Variants in FAM13A observed in about 807,000 individuals in gnomAD.
FAM13A encodes the protein protein FAM13A.
In FAM13A, 76 loss-of-function variants were observed where a neutral mutation model predicts 129.6. The observed-to-expected ratio is 0.59, with a 90% CI of 0.49 to 0.71. FAM13A has a LOEUF of 0.71. FAM13A is among the 30% of genes least tolerant of loss of function. FAM13A has a pLI of 0.00. For missense variants in FAM13A, 1,108 were observed against 1,249.3 expected (o/e 0.89, Z 1.70); for synonymous variants, 443 against 449.9 (o/e 0.98, Z 0.20).
At chr4:88,797,810 A>G (rs1011102709) in intron 8 of FAM13A, among the ~76,000 whole-genome samples, 3 of 152,248 alleles carry the variant, frequency 2.0e-5, no homozygotes, top group South Asian at 2.1e-4. Context: ...CTACTGTTTC[A>G]AAAAGGTTTA....
In FAM13A at chr4:88,909,995, T is replaced by C. The variant is rs149532697; in HGVS notation, c.760-3533A>G. Among the ~76,000 whole-genome samples, 6 of 152,348 alleles carry C rather than the reference T, an allele frequency of 3.9e-5. 1 individual carries two copies. Among genetic ancestry groups the C allele is most frequent in the Admixed American group, 3.3e-4 (5 of 15,298 alleles). ...AGACCTCGGGTTTGTGTTCAAACTC[T>C]TCCTTTAGAAGAACTTTTTAGAAAA... is the stretch of plus-strand genomic sequence containing the variant. On this transcript the variant is annotated intron_variant, in intron 5 of 23. Transcript: ENST00000264344.
chr4:89,001,130 T>C (rs998988281), intron 3 of FAM13A, among the ~76,000 whole-genome samples: 13 of 152,278 alleles, frequency 8.5e-5, no homozygotes, highest in African/African-American at 3.1e-4. Context: ...GAAAAGATCA[T>C]CTAGTTATAT....
chr4:88,955,685 G>A (rs1757641918), intron 4 of FAM13A, among the ~76,000 whole-genome samples: 1 of 152,158 alleles, frequency 6.6e-6, no homozygotes, highest in Non-Finnish European at 1.5e-5. Flanking sequence ...CCAGGCTGAG[G>A]TGGTCTCAGA....
chr4:88,828,458 TA>T (rs1005879719), intron 7 of FAM13A, among the ~76,000 whole-genome samples: 1 of 152,220 alleles, frequency 6.6e-6, no homozygotes, highest in African/African-American at 2.4e-5. Context: ...CTTGACCTTT[TA>T]AAGTCATACA....
At chr4:88,867,923 T>G (rs536670944) in intron 6 of FAM13A, among the ~76,000 whole-genome samples, 5 of 152,226 alleles carry the variant, frequency 3.3e-5, no homozygotes, top group Non-Finnish European at 7.3e-5. Flanking sequence ...GGAAATGTTA[T>G]TAAAAACTAT....
At chr4:88,877,370 T>G (rs1213867837) in intron 6 of FAM13A, among the ~76,000 whole-genome samples, 1 of 152,194 alleles carries the variant, frequency 6.6e-6, no homozygotes, top group East Asian at 1.9e-4. Context: ...CAAACAGTAT[T>G]TATCATACTG....
chr4:88,862,724 CCTT>C (rs1739692862), intron 6 of FAM13A, among the ~76,000 whole-genome samples: 1 of 150,220 alleles, frequency 6.7e-6, no homozygotes, highest in South Asian at 2.1e-4. Flanking sequence ...TCATATCCCT[CCTT>C]CTTCTGTTCT....
At chr4:88,873,624 G>A (rs1037053938) in intron 6 of FAM13A, among the ~76,000 whole-genome samples, 3 of 152,152 alleles carry the variant, frequency 2.0e-5, no homozygotes, top group African/African-American at 7.2e-5. Flanking sequence ...ACCAATAACA[G>A]CCTCTGAAAT....
intron 7 of FAM13A, among the ~76,000 whole-genome samples, chr4:88,814,484 C>A (rs558061695): frequency 1.3e-5 from 2 of 152,052 alleles, no homozygotes; most frequent in African/African-American, 4.8e-5. Flanking sequence ...GCACCAGGGG[C>A]GCAGCAGTGA....
chr4:88,989,073 T>C (rs1415443106), intron 4 of FAM13A, among the ~76,000 whole-genome samples: 2 of 150,778 alleles, frequency 1.3e-5, no homozygotes, highest in East Asian at 4.0e-4. Flanking sequence ...CCGGGCATGA[T>C]GGTGGGCGCC....
chr4:88,966,330 T>G (rs1031766691), intron 4 of FAM13A, among the ~76,000 whole-genome samples: 1 of 152,206 alleles, frequency 6.6e-6, no homozygotes, highest in Non-Finnish European at 1.5e-5. Context: ...TCATATTCAC[T>G]CATTCCTTCT....
At chr4:88,741,379 T>C (rs932377499) in intron 19 of FAM13A, among the ~76,000 whole-genome samples, 4 of 152,158 alleles carry the variant, frequency 2.6e-5, no homozygotes, top group Admixed American at 1.3e-4. Flanking sequence ...CTGAGTAAAT[T>C]ACGCCAGACA....
chr4:88,776,425 G>A (rs1429568263), intron 11 of FAM13A, among the ~76,000 whole-genome samples: 1 of 151,806 alleles, frequency 6.6e-6, no homozygotes, highest in Non-Finnish European at 1.5e-5. Context: ...ATCTACCTAT[G>A]GATTATTGGG....
intron 8 of FAM13A, among the ~76,000 whole-genome samples, chr4:88,800,347 C>T (rs138196696): frequency 6.6e-6 from 1 of 152,256 alleles, no homozygotes; most frequent in African/African-American, 2.4e-5. Context: ...AAAACCAAAA[C>T]AGCAGAGCTC....
chr4:88,911,179 C>T (rs1322839627), intron 5 of FAM13A, among the ~76,000 whole-genome samples: 1 of 152,128 alleles, frequency 6.6e-6, no homozygotes, highest in Non-Finnish European at 1.5e-5. Context: ...CTTTATGATC[C>T]TTCGTTCTCT....
intron 5 of FAM13A, among the ~76,000 whole-genome samples, chr4:88,932,673 G>A (rs1350196847): frequency 7.2e-5 from 11 of 152,216 alleles, no homozygotes; most frequent in Non-Finnish European, 1.5e-4. Flanking sequence ...TGATATATCA[G>A]TTTATATGGT....
At chr4:88,914,934 A>G (rs1219728408) in intron 5 of FAM13A, among the ~76,000 whole-genome samples, 1 of 152,236 alleles carries the variant, frequency 6.6e-6, no homozygotes, top group African/African-American at 2.4e-5. Context: ...TTTCTGATGG[A>G]TGAGGATACA....
intron 4 of FAM13A, among the ~76,000 whole-genome samples, chr4:88,968,463 C>A (rs1759633618): frequency 6.6e-6 from 1 of 152,092 alleles, no homozygotes; most frequent in Non-Finnish European, 1.5e-5. Context: ...TTCGCTATGA[C>A]CGAGAATCAG....
intron 7 of FAM13A, among the ~76,000 whole-genome samples, chr4:88,813,704 G>A (rs1412444629): frequency 6.6e-6 from 1 of 152,176 alleles, no homozygotes; most frequent in Non-Finnish European, 1.5e-5. Flanking sequence ...ATCCTCTCCC[G>A]AACACCCCTC....
Sources: gnomAD v4.1 joint callset for allele counts (sites outside exome capture counted in the v4.1 genomes callset) on GRCh38, gnomAD v4.1.1 for gene constraint, MANE v1.5 for transcripts, NCBI Gene and HGNC (gene_info 2026-07-23, HGNC 2026-07-21) for gene names.